Variants in RNF19A observed in about 807,000 individuals in gnomAD.
The protein encoded by RNF19A is ring finger protein 19A, RBR E3 ubiquitin protein ligase.
RNF19A carries 32 observed loss-of-function variants against 75.7 expected under a neutral mutation model. The ratio of observed to expected loss-of-function variants is 0.42; its 90% CI spans 0.32 to 0.57. RNF19A has a LOEUF of 0.57. Among genes scored for constraint, RNF19A ranks in the 20% least tolerant of loss-of-function variants. The probability of loss-of-function intolerance (pLI) is 0.10; values close to 1 mark genes in which losing one functional copy is unlikely to be tolerated. For missense variants in RNF19A, 782 were observed against 1,036.3 expected (o/e 0.75, Z 3.37); for synonymous variants, 335 against 345.2 (o/e 0.97, Z 0.33).
chr8:100,270,672 G>A (rs1421162675), intron 3 of RNF19A, among the ~76,000 whole-genome samples: 1 of 152,042 alleles, frequency 6.6e-6, no homozygotes, highest in Non-Finnish European at 1.5e-5. Context: ...ATTAAGGAAG[G>A]GTCATATGGC....
chr8:100,321,637 A>G lies in RNF19A; in HGVS notation c.-242-8265T>C, dbSNP rs185966375. ...GGTGCATTTTTACAGAAAGTTTTCAATTCACCCAGATCCATCAGAGGAATC... is the reference window on the plus strand; with the variant it reads ...GGTGCATTTTTACAGAAAGTTTTCAGTTCACCCAGATCCATCAGAGGAATC... On this transcript the variant is annotated intron_variant, in intron 1 of 3. Transcript: ENST00000519527. Among the ~76,000 whole-genome samples, 659 of 152,360 alleles carry G rather than the reference A, an allele frequency of 4.3e-3. 7 individuals carry two copies. Among genetic ancestry groups the G allele is most frequent in the African/African-American group, 0.015 (615 of 41,576 alleles).
At chr8:100,267,906 G>A (rs1218485824) in intron 5 of RNF19A, among the ~76,000 whole-genome samples, 1 of 152,040 alleles carries the variant, frequency 6.6e-6, no homozygotes, top group Admixed American at 6.6e-5. Context: ...TTGAACTCCT[G>A]ACCTCAGATG....
intron 1 of RNF19A, among the ~76,000 whole-genome samples, chr8:100,300,202 T>C (rs929346590): frequency 9.2e-5 from 14 of 152,274 alleles, no homozygotes; most frequent in Admixed American, 2.6e-4. Flanking sequence ...AAAATGAGAT[T>C]AAAAACTCAC....
At chr8:100,303,576 G>C (rs1051212762) in intron 1 of RNF19A, among the ~76,000 whole-genome samples, 1 of 152,042 alleles carries the variant, frequency 6.6e-6, no homozygotes, top group East Asian at 1.9e-4. Context: ...AAGGACATCA[G>C]TAAGGTATGC....
intron 1 of RNF19A, among the ~76,000 whole-genome samples, chr8:100,295,345 T>C (rs1821506028): frequency 6.6e-6 from 1 of 152,196 alleles, no homozygotes; most frequent in Non-Finnish European, 1.5e-5. Flanking sequence ...GTTACAATGG[T>C]TTTCTAATAC....
intron 1 of RNF19A, among the ~76,000 whole-genome samples, chr8:100,298,552 GT>G (rs1397049720): frequency 1.3e-5 from 2 of 152,110 alleles, no homozygotes; most frequent in Non-Finnish European, 2.9e-5. Context: ...CCTTAAGATA[GT>G]TTCTATAATC....
chr8:100,261,246 C>T lies in RNF19A; in HGVS notation c.1682+296G>A, dbSNP rs563753029. 1.1e-4 allele frequency among the ~76,000 whole-genome samples: 17 copies of T among 152,156 alleles called. No homozygotes were observed. Among genetic ancestry groups the T allele is most frequent in the Admixed American group, 2.0e-4 (3 of 15,276 alleles). Reference sequence around the variant, plus strand: ...ACCAGCTGGGACTACAGGTGCATGCCACCAAATCCGGCTAATTTTTTATAT... The same window carrying T: ...ACCAGCTGGGACTACAGGTGCATGCTACCAAATCCGGCTAATTTTTTATAT... On this transcript the variant is annotated intron_variant, in intron 8 of 9. Transcript: ENST00000341084. This position sits in a 1 kb window ranked among gnomAD's most constrained non-coding sequence, Gnocchi z 4.4.
intron 1 of RNF19A, among the ~76,000 whole-genome samples, chr8:100,299,642 C>A: frequency 6.6e-6 from 1 of 152,140 alleles, no homozygotes. Context: ...GCCTTTAATC[C>A]CAGCTACTCG....
Position 100,296,354 on chromosome 8 carries a change from C to T in RNF19A, c.-93-8087G>A, listed in dbSNP as rs1045528583. Among the ~76,000 whole-genome samples, 3 of 152,216 alleles carry T rather than the reference C, an allele frequency of 2.0e-5. No homozygotes were observed. The East Asian group carries it at 5.8e-4, about 29-fold the overall frequency. The stretch of plus-strand genomic sequence containing the variant: ...TCCTGGCCTCAAGTGATTTTCCTGC[C>T]TCTGCCTCCCCAAGTGCTGGGATTA... On this transcript the variant is annotated intron_variant, in intron 1 of 9. Coordinates refer to ENST00000341084, the MANE Select transcript of RNF19A (RefSeq NM_183419.4).
At chr8:100,299,472 T>C (rs758751976) in intron 1 of RNF19A, among the ~76,000 whole-genome samples, 4 of 152,180 alleles carry the variant, frequency 2.6e-5, no homozygotes, top group African/African-American at 7.2e-5. Context: ...AAGTATTAAG[T>C]GTTTGGACCG....
chr8:100,307,465 T>C (rs1658700157), intron 1 of RNF19A, among the ~76,000 whole-genome samples: 1 of 152,082 alleles, frequency 6.6e-6, no homozygotes. Context: ...ACTATATGTG[T>C]TGGAGAAGGG....
chr8:100,261,028 T>G lies in RNF19A; in HGVS notation c.1682+514A>C, dbSNP rs189533842. 2.0e-5 allele frequency among the ~76,000 whole-genome samples: 3 copies of G among 152,260 alleles called. No individual in the cohort carries two copies. The highest frequency in any genetic ancestry group is 2.0e-4 in the Admixed American group (3 of 15,288). On this transcript the variant is annotated intron_variant, in intron 8 of 9. Coordinates refer to ENST00000341084, the MANE Select transcript of RNF19A (RefSeq NM_183419.4). This position sits in a 1 kb window ranked among gnomAD's most constrained non-coding sequence, Gnocchi z 4.4. The stretch of plus-strand genomic sequence containing the variant: ...GCAGCTGTAGCAACGATTTATAATA[T>G]AAAATGTGACAAGGACAGTGAAAAA...
At position 100,325,332 on chromosome 8, in the gene RNF19A, T is replaced by C. The variant is rs1619759; in HGVS notation, c.-243+10776A>G. 0.32 allele frequency among the ~76,000 whole-genome samples: 49,273 copies of C among 152,114 alleles called. 8,694 individuals are homozygous for C. Among genetic ancestry groups the C allele is most frequent in the East Asian group, 0.41 (2,115 of 5,176 alleles). The stretch of plus-strand genomic sequence containing the variant: ...GGTTTCTGAGTCTTCCAAAAAGTAG[T>C]TACAATGTAACTGTGTAAATTTATA... On this transcript the variant is annotated intron_variant, in intron 1 of 3. Transcript: ENST00000519527. The surrounding 1 kb of genome is among the most constrained non-coding windows in gnomAD (Gnocchi z 4.3).
In RNF19A at chr8:100,274,980, T is replaced by C. The variant is rs768400186; in HGVS notation, c.856A>G (p.Ser286Gly). The change falls in exon 3 of 10, where the codon AGT becomes GGT. Residue 286 changes from serine to glycine, a missense_variant. Transcript: ENST00000341084. ...RLRTIRSSSISYSQESGAAAD... is the reference protein window; with the variant it reads ...RLRTIRSSSIGYSQESGAAAD... ...GCTGCTCCAGACTCTTGACTATAAC[T>C]AATGGATGAAGAACGTATAGTTCTC... The C allele has an allele frequency of 1.9e-6, 3 of 1,614,056 alleles. No homozygotes were observed. The highest frequency in any genetic ancestry group is 2.5e-6 in the Non-Finnish European group (3 of 1,179,932).
chr8:100,270,636 C>T (rs1563839048), intron 3 of RNF19A, among the ~76,000 whole-genome samples: 1 of 151,980 alleles, frequency 6.6e-6, no homozygotes, highest in Non-Finnish European at 1.5e-5. Context: ...GAATCAGTAC[C>T]CAAAATACAA....
At chr8:100,315,013 C>G (rs954359636) in intron 1 of RNF19A, among the ~76,000 whole-genome samples, 1 of 152,126 alleles carries the variant, frequency 6.6e-6, no homozygotes, top group Non-Finnish European at 1.5e-5. Context: ...AAACTGACAT[C>G]GAGAAAATCA....
intron 1 of RNF19A, among the ~76,000 whole-genome samples, chr8:100,315,670 G>A (rs1331249984): frequency 6.6e-6 from 1 of 152,010 alleles, no homozygotes; most frequent in Non-Finnish European, 1.5e-5. Context: ...TGTTGTTGTT[G>A]AGACAAGGTC....
chr8:100,310,813 A>C (rs1822275177), upstream of RNF19A, among the ~76,000 whole-genome samples: 1 of 152,114 alleles, frequency 6.6e-6, no homozygotes, highest in African/African-American at 2.4e-5. Context: ...TTTCATCTCT[A>C]ATACATTCCT....
chr8:100,328,276 T>C (rs974807752), intron 1 of RNF19A, among the ~76,000 whole-genome samples: 3 of 152,118 alleles, frequency 2.0e-5, no homozygotes, highest in African/African-American at 7.2e-5. Flanking sequence ...CGTGGCAGTG[T>C]TGGGGCTGAG....
Sources: allele counts gnomAD v4.1 joint callset (sites outside exome capture counted in the v4.1 genomes callset), GRCh38; gene constraint gnomAD v4.1.1; non-coding constraint Gnocchi (gnomAD v3.1); transcripts MANE v1.5; gene names NCBI Gene and HGNC (gene_info 2026-07-23, HGNC 2026-07-21).